SULF2: variants seen among roughly 807,000 people sequenced by gnomAD.
SULF2 encodes sulfatase 2, also known as extracellular sulfatase Sulf-2.
A neutral mutation model predicts 107.7 loss-of-function variants in SULF2; 52 were observed. That is an observed-to-expected ratio of 0.48 (90% CI 0.39 to 0.61). The LOEUF (loss-of-function observed/expected upper bound fraction) is 0.61, where lower values mean the gene tolerates loss of function less well. SULF2 is among the 20% of genes least tolerant of loss of function. SULF2 has a pLI of 0.00. For missense variants in SULF2, 993 were observed against 1,177.3 expected (o/e 0.84, Z 2.29); for synonymous variants, 460 against 464.3 (o/e 0.99, Z 0.12).
chr20:47,745,410 A>C (rs6094805), intron 2 of SULF2, among the ~76,000 whole-genome samples: 1 of 16,640 alleles, frequency 6.0e-5, no homozygotes, highest in African/African-American at 2.1e-4. Context: ...AAAAAAAAAA[A>C]ATATATATAT....
intron 5 of SULF2, among the ~76,000 whole-genome samples, chr20:47,688,622 G>C (rs2088094842): frequency 6.6e-6 from 1 of 152,214 alleles, no homozygotes; most frequent in East Asian, 1.9e-4. Context: ...CGGGGTGCCG[G>C]CTGCTGGGGG....
intron 2 of SULF2, among the ~76,000 whole-genome samples, chr20:47,745,554 G>C (rs1178763301): frequency 6.7e-6 from 1 of 149,864 alleles, no homozygotes; most frequent in Admixed American, 6.7e-5. Context: ...TTGAGACAGA[G>C]TTTCTCTCTT....
intron 20 of SULF2, among the ~76,000 whole-genome samples, 166 bp from the exon 21 acceptor site, chr20:47,658,558 G>GTTTACTTATACACCCAATGCCTGGCA (rs2086968157): frequency 6.6e-6 from 1 of 152,126 alleles, no homozygotes; most frequent in Non-Finnish European, 1.5e-5. Flanking sequence ...TCAATTTTTT[G>GTTTACTTATACACCCAATGCCTGGCA]TTTACTTATA....
chr20:47,756,158 A>T (rs1249933175), intron 2 of SULF2, among the ~76,000 whole-genome samples: 1 of 152,224 alleles, frequency 6.6e-6, no homozygotes, highest in African/African-American at 2.4e-5. Context: ...AGAAGCTCTG[A>T]GGTCCAGGTG....
chr20:47,775,466 T>C (rs2090707827), intron 1 of SULF2, among the ~76,000 whole-genome samples: 1 of 152,134 alleles, frequency 6.6e-6, no homozygotes, highest in South Asian at 2.1e-4. Flanking sequence ...CAAAATAAAA[T>C]GTTGTTACCT....
intron 2 of SULF2, among the ~76,000 whole-genome samples, chr20:47,745,823 C>G (rs1306726730): frequency 6.6e-6 from 1 of 152,106 alleles, no homozygotes; most frequent in Non-Finnish European, 1.5e-5. Flanking sequence ...AGCCACTGTG[C>G]CCGGCCACAT....
intron 2 of SULF2, among the ~76,000 whole-genome samples, chr20:47,744,755 G>C (rs1390483512): frequency 6.6e-6 from 1 of 152,086 alleles, no homozygotes; most frequent in African/African-American, 2.4e-5. Flanking sequence ...GCTCCCAGGG[G>C]CCCCCAAGCT....
At chr20:47,748,201 C>T (rs1468651396) in intron 2 of SULF2, among the ~76,000 whole-genome samples, 7 of 152,222 alleles carry the variant, frequency 4.6e-5, no homozygotes, top group Non-Finnish European at 5.9e-5. Context: ...CATCCTCCTC[C>T]CCTTCATTCC....
rs192320178 is a variant in SULF2, at chr20:47,758,612, T to C, written c.-100-1149A>G. On this transcript the variant is annotated intron_variant, in intron 1 of 20. Coordinates refer to ENST00000688720, the MANE Select transcript of SULF2 (RefSeq NM_001387048.1). The stretch of plus-strand genomic sequence containing the variant: ...GGTCAGACTAGGTCACCAGCGAAGG[T>C]GGGTGCGGGGAGGTGGGGACGCGAC... Among the ~76,000 whole-genome samples, 5 of 152,024 alleles carry C rather than the reference T, an allele frequency of 3.3e-5. No individual in the cohort carries two copies. The East Asian group carries it at 9.7e-4, about 29-fold the overall frequency.
upstream of SULF2, chr20:47,786,089 A>C (rs2090928301): frequency 6.6e-6 from 1 of 152,216 alleles, no homozygotes; most frequent in Admixed American, 6.5e-5. Context: ...CGGAGAGTTG[A>C]AACAGATGTG....
At chr20:47,777,300 G>C (rs2090742022) in intron 1 of SULF2, among the ~76,000 whole-genome samples, 2 of 152,172 alleles carry the variant, frequency 1.3e-5, no homozygotes, top group African/African-American at 4.8e-5. Flanking sequence ...GAAACAGAAA[G>C]CAAAGTCTGC....
chr20:47,743,439 A>G (rs2089937112), intron 2 of SULF2, among the ~76,000 whole-genome samples: 2 of 152,048 alleles, frequency 1.3e-5, no homozygotes, highest in Non-Finnish European at 2.9e-5. Flanking sequence ...CCTCCTGAGT[A>G]GCTGGAATTA....
At chr20:47,763,231 C>T (rs1435149461) in intron 1 of SULF2, among the ~76,000 whole-genome samples, 3 of 152,186 alleles carry the variant, frequency 2.0e-5, no homozygotes, top group Non-Finnish European at 4.4e-5. Flanking sequence ...GGCAAAGGCT[C>T]GCCAGCCCAG....
intron 3 of SULF2, among the ~76,000 whole-genome samples, chr20:47,731,185 C>CTTTTTTTTTTTTTTTTTTTTTT (rs199660759): frequency 1.1e-5 from 1 of 93,334 alleles, no homozygotes; most frequent in Admixed American, 1.2e-4. Context: ...CCTGTATCTT[C>CTTTTTTTTTTTTTTTTTTTTTT]TCTTTTTTTT....
chr20:47,747,714 A>T (rs1174850497), intron 2 of SULF2, among the ~76,000 whole-genome samples: 2 of 151,746 alleles, frequency 1.3e-5, no homozygotes, highest in Non-Finnish European at 2.9e-5. Context: ...AAAGCAACCT[A>T]ATGTCCCCCC....
intron 3 of SULF2, among the ~76,000 whole-genome samples, chr20:47,716,330 C>T (rs1368653002): frequency 6.6e-6 from 1 of 152,124 alleles, no homozygotes; most frequent in Non-Finnish European, 1.5e-5. Context: ...TGTGGTGAAA[C>T]CCTGTCTCTA....
intron 4 of SULF2, among the ~76,000 whole-genome samples, chr20:47,696,301 T>C (rs1295467187): frequency 6.6e-6 from 1 of 152,186 alleles, no homozygotes; most frequent in African/African-American, 2.4e-5. Context: ...AAATGAGTGT[T>C]AGTCATTATT....
At chr20:47,671,395 T>C (rs1056192514) in intron 11 of SULF2, among the ~76,000 whole-genome samples, 1 of 151,480 alleles carries the variant, frequency 6.6e-6, no homozygotes, top group Non-Finnish European at 1.5e-5. Context: ...CAACCTCTGC[T>C]CCCGGGTTCA....
At chr20:47,778,304 G>A (rs2090761472) in intron 1 of SULF2, among the ~76,000 whole-genome samples, 1 of 152,192 alleles carries the variant, frequency 6.6e-6, no homozygotes, top group Non-Finnish European at 1.5e-5. Flanking sequence ...TGGTCCCTGG[G>A]GATGGCCCTG....
Sources: allele counts gnomAD v4.1 joint callset (sites outside exome capture counted in the v4.1 genomes callset), GRCh38; gene constraint gnomAD v4.1.1; transcripts MANE v1.5; gene names NCBI Gene and HGNC (gene_info 2026-07-23, HGNC 2026-07-21).